GRIN2B: variants seen among roughly 807,000 people sequenced by gnomAD.
GRIN2B encodes glutamate receptor ionotropic, NMDA 2B.
Under a neutral mutation model 114.5 loss-of-function variants are expected in GRIN2B, and 5 were observed. That is an observed-to-expected ratio of 0.04 (90% CI 0.02 to 0.09). The LOEUF is 0.09. GRIN2B is among the 10% of genes least tolerant of loss of function. The probability of loss-of-function intolerance (pLI) is 1.00; values close to 1 mark genes in which losing one functional copy is unlikely to be tolerated. For synonymous variants in GRIN2B, 787 were observed against 745.1 expected (o/e 1.06, Z -0.92); for missense variants, 1,108 against 1,943.5 (o/e 0.57, Z 8.08).
intron 2 of GRIN2B, among the ~76,000 whole-genome samples, chr12:13,930,935 A>G (rs1247859943): frequency 6.6e-6 from 1 of 152,212 alleles, no homozygotes; most frequent in African/African-American, 2.4e-5. Context: ...ATCAATCAGA[A>G]GTTCAATGTG....
At chr12:13,667,792 C>A (rs1949991736) in intron 5 of GRIN2B, among the ~76,000 whole-genome samples, 3 of 152,014 alleles carry the variant, frequency 2.0e-5, no homozygotes, top group Admixed American at 6.6e-5. Context: ...AGAAAAAAAA[C>A]ACTGGAAAGA....
At chr12:13,608,933 C>T (rs1243921455) in intron 9 of GRIN2B, 101 bp from the exon 10 acceptor site, 5 of 845,002 alleles carry the variant, frequency 5.9e-6, no homozygotes, top group Non-Finnish European at 7.9e-6. Flanking sequence ...AGCAGGAAAC[C>T]CTTCCGCTAA....
At chr12:13,601,382 T>A (rs1949157981) in intron 10 of GRIN2B, among the ~76,000 whole-genome samples, 1 of 152,228 alleles carries the variant, frequency 6.6e-6, no homozygotes, top group Non-Finnish European at 1.5e-5. Context: ...TTCTCATCTG[T>A]GTGTTTTCTC....
chr12:13,946,555 A>G (rs959560404), intron 2 of GRIN2B, among the ~76,000 whole-genome samples: 3 of 151,916 alleles, frequency 2.0e-5, no homozygotes, highest in Non-Finnish European at 2.9e-5. Flanking sequence ...CAACCAAAAT[A>G]TATATATATA....
At chr12:13,584,106 C>T (rs1272714887) in intron 10 of GRIN2B, among the ~76,000 whole-genome samples, 1 of 152,106 alleles carries the variant, frequency 6.6e-6, no homozygotes, top group Non-Finnish European at 1.5e-5. Context: ...GCAGAGTCAG[C>T]CTCATCCCCA....
intron 2 of GRIN2B, among the ~76,000 whole-genome samples, chr12:13,940,349 G>T (rs1273607269): frequency 6.6e-6 from 1 of 152,036 alleles, no homozygotes; most frequent in Non-Finnish European, 1.5e-5. Flanking sequence ...CACCTTTAAA[G>T]AATTCCACAT....
At chr12:13,608,882 C>G (rs770194241) in intron 9 of GRIN2B, 50 bp from the exon 10 acceptor site, 2 of 1,313,896 alleles carry the variant, frequency 1.5e-6, no homozygotes, top group Non-Finnish European at 2.2e-6. Context: ...GTGGCTGGTT[C>G]TGTTGAAACC....
intron 3 of GRIN2B, among the ~76,000 whole-genome samples, chr12:13,797,294 C>T (rs1237361311): frequency 2.0e-5 from 3 of 152,152 alleles, no homozygotes; most frequent in Non-Finnish European, 4.4e-5. Flanking sequence ...GCCCCCATGA[C>T]CTAATCACCT....
At chr12:13,668,852 AGT>A (rs767176836) in intron 5 of GRIN2B, among the ~76,000 whole-genome samples, 145 of 151,770 alleles carry the variant, frequency 9.6e-4, no homozygotes, top group South Asian at 5.7e-3. Flanking sequence ...TTGTGGGGGC[AGT>A]CCTTGGCTCA....
intron 4 of GRIN2B, among the ~76,000 whole-genome samples, chr12:13,741,978 T>C (rs1406231076): frequency 6.6e-6 from 1 of 152,238 alleles, no homozygotes; most frequent in African/African-American, 2.4e-5. Context: ...ATTTTCTAAA[T>C]TGCTGAAGCT....
chr12:13,857,462 C>T (rs1406836970), intron 3 of GRIN2B, among the ~76,000 whole-genome samples: 1 of 152,004 alleles, frequency 6.6e-6, no homozygotes, highest in East Asian at 1.9e-4. Context: ...CAAACATCTT[C>T]TAAGAATCCC....
intron 3 of GRIN2B, among the ~76,000 whole-genome samples, chr12:13,826,735 A>G (rs907397127): frequency 5.3e-5 from 8 of 152,032 alleles, no homozygotes; most frequent in African/African-American, 1.9e-4. Context: ...TTTGCTTTAC[A>G]TGGCTAGTTA....
At chr12:13,968,932 T>C (rs1448025786) in intron 2 of GRIN2B, among the ~76,000 whole-genome samples, 1 of 152,224 alleles carries the variant, frequency 6.6e-6, no homozygotes. Flanking sequence ...TGGAGAATCT[T>C]CAAAATGTCC....
At position 13,564,425 on chromosome 12, in the gene GRIN2B, C is replaced by T. The variant is rs150445188; in HGVS notation, c.2813G>A (p.Arg938His). 3.1e-5 allele frequency: 50 copies of T among 1,614,224 alleles called. No homozygotes were observed. The African/African-American group carries it at 5.7e-4, about 18-fold the overall frequency. Residue 938 changes from arginine (R) to histidine (H), a missense_variant, in exon 14 of 14, where the codon CGC becomes CAC. Arg to His is a conservative substitution (Grantham distance 29). Around this residue, in one of 19 missense-constraint regions of GRIN2B, gnomAD observed 140 missense variants for 187.5 expected, o/e 0.75. Transcript: ENST00000609686. This position sits in a 1 kb window ranked among gnomAD's most constrained non-coding sequence, Gnocchi z 4.8. ...GCAGTCAGAATGCGTGAAGCTGCGGCGGTGCTCTGAGATGTCATAGACGGA... is the reference window on the plus strand; with the variant it reads ...GCAGTCAGAATGCGTGAAGCTGCGGTGGTGCTCTGAGATGTCATAGACGGA... ...ESSVYDISEH[R>H]RSFTHSDCKS... is the part of the protein sequence containing the mutation.
intron 4 of GRIN2B, among the ~76,000 whole-genome samples, chr12:13,734,845 T>C (rs1863152665): frequency 6.6e-6 from 1 of 152,178 alleles, no homozygotes; most frequent in African/African-American, 2.4e-5. Context: ...ACCTATGTCC[T>C]TCCAGGGAAA....
chr12:13,906,826 T>C lies in GRIN2B; in HGVS notation c.-18-40600A>G, dbSNP rs182099515. 1.8e-3 allele frequency among the ~76,000 whole-genome samples: 274 copies of C among 152,340 alleles called. 2 individuals carry two copies. The highest frequency in any genetic ancestry group is 7.7e-3 in the South Asian group (37 of 4,832). The stretch of plus-strand genomic sequence containing the variant: ...GTATCATATTAATTTGAAATTTTAG[T>C]ATTTAATATAATGTAATTTATAAAA... On this transcript the variant is annotated intron_variant, in intron 2 of 13. Coordinates refer to ENST00000609686, the MANE Select transcript of GRIN2B (RefSeq NM_000834.5).
chr12:13,915,448 C>T (rs968671566), intron 2 of GRIN2B, among the ~76,000 whole-genome samples: 2 of 152,116 alleles, frequency 1.3e-5, no homozygotes, highest in Non-Finnish European at 2.9e-5. Context: ...TAAGCTGTGC[C>T]TCCTGGGTCT....
intron 3 of GRIN2B, among the ~76,000 whole-genome samples, chr12:13,791,143 G>C (rs1864311988): frequency 6.6e-6 from 1 of 152,136 alleles, no homozygotes; most frequent in South Asian, 2.1e-4. Context: ...AGCTGAAGTA[G>C]AATATGTTTA....
intron 3 of GRIN2B, among the ~76,000 whole-genome samples, chr12:13,811,896 A>G (rs1340410078): frequency 6.6e-6 from 1 of 152,238 alleles, no homozygotes; most frequent in Non-Finnish European, 1.5e-5. Flanking sequence ...TAGTAAACAT[A>G]CAAAGCTCAG....
Sources: allele counts gnomAD v4.1 joint callset (sites outside exome capture counted in the v4.1 genomes callset), GRCh38; gene constraint gnomAD v4.1.1; regional missense constraint gnomAD v4.1.1; non-coding constraint Gnocchi (gnomAD v3.1); transcripts MANE v1.5; gene names NCBI Gene and HGNC (gene_info 2026-07-23, HGNC 2026-07-21).